Variants in HCRTR2 observed in about 807,000 individuals in gnomAD.
HCRTR2 encodes the protein hypocretin receptor 2.
A neutral mutation model predicts 49.0 loss-of-function variants in HCRTR2; 22 were observed. The ratio of observed to expected loss-of-function variants is 0.45; its 90% CI spans 0.32 to 0.64. The LOEUF (loss-of-function observed/expected upper bound fraction) is 0.64. Ranked by LOEUF, HCRTR2 falls within the 30% of genes least tolerant of loss-of-function variation. The pLI, the probability that HCRTR2 is intolerant of heterozygous loss-of-function variation, is 0.04. For missense variants in HCRTR2, 491 were observed against 559.4 expected (o/e 0.88, Z 1.23); for synonymous variants, 236 against 205.3 (o/e 1.15, Z -1.28).
chr6:55,161,936 C>G (rs986300885), intron 1 of HCRTR2, among the ~76,000 whole-genome samples: 1 of 152,140 alleles, frequency 6.6e-6, no homozygotes, highest in Non-Finnish European at 1.5e-5. Context: ...CCTTCTGAAA[C>G]TATTCCAAAC....
At chr6:55,154,926 T>C (rs1764711009) in intron 1 of HCRTR2, among the ~76,000 whole-genome samples, 1 of 151,784 alleles carries the variant, frequency 6.6e-6, no homozygotes, top group African/African-American at 2.4e-5. Flanking sequence ...TGTAATTCTA[T>C]ATAATAGCAA....
At chr6:55,184,344 T>C (rs776444524) in intron 1 of HCRTR2, among the ~76,000 whole-genome samples, 1 of 152,240 alleles carries the variant, frequency 6.6e-6, no homozygotes, top group Non-Finnish European at 1.5e-5. Flanking sequence ...TTTACTAAAA[T>C]CATTTTTATG....
chr6:55,168,705 A>G (rs1764909528), intron 1 of HCRTR2, among the ~76,000 whole-genome samples: 1 of 151,812 alleles, frequency 6.6e-6, no homozygotes, highest in African/African-American at 2.4e-5. Context: ...AGCTAGGACC[A>G]CAGACACATG....
chr6:55,163,749 A>G (rs925245031), intron 1 of HCRTR2, among the ~76,000 whole-genome samples: 2 of 152,216 alleles, frequency 1.3e-5, no homozygotes, highest in African/African-American at 4.8e-5. Flanking sequence ...ATCAAAAGCA[A>G]TGGCAAGAAA....
rs1019053039 is a variant in HCRTR2 at position 55,132,702 on chromosome 6, G to A, written c.-378+26157G>A. ...TTAGGGAGCAAAGGAATGGGACAGT[G>A]GAGCCCTACTCAGACCAACTCCATT... On this transcript the variant is annotated intron_variant, in intron 1 of 7. Coordinates refer to the HCRTR2 transcript ENST00000615358. Among the ~76,000 whole-genome samples, 3 of 150,998 alleles carry A rather than the reference G, an allele frequency of 2.0e-5. No individual in the cohort carries two copies. In the South Asian group the frequency reaches 6.2e-4, roughly 31 times the overall value.
chr6:55,223,744 C>T (rs745488382), intron 1 of HCRTR2, among the ~76,000 whole-genome samples: 7 of 151,634 alleles, frequency 4.6e-5, no homozygotes, highest in Non-Finnish European at 1.0e-4. Context: ...AAAAATCTGG[C>T]TATGATGCAG....
chr6:55,256,561 T>A (rs1038732424), intron 3 of HCRTR2, among the ~76,000 whole-genome samples: 3 of 152,196 alleles, frequency 2.0e-5, no homozygotes, highest in African/African-American at 7.2e-5. Flanking sequence ...ATTTGCTTTA[T>A]CTATTACCCC....
At chr6:55,267,394 C>G (rs886345914) in intron 4 of HCRTR2, among the ~76,000 whole-genome samples, 13 of 143,032 alleles carry the variant, frequency 9.1e-5, no homozygotes, top group South Asian at 6.5e-4. Flanking sequence ...CTTAAATTCT[C>G]TCTCTCTCTG....
At chr6:55,236,825 C>A (rs1389279758) in intron 1 of HCRTR2, among the ~76,000 whole-genome samples, 1 of 152,030 alleles carries the variant, frequency 6.6e-6, no homozygotes, top group Non-Finnish European at 1.5e-5. Context: ...CTTATATCTA[C>A]AAATATATAC....
intron 4 of HCRTR2, among the ~76,000 whole-genome samples, chr6:55,271,164 C>G (rs1766965637): frequency 6.6e-6 from 1 of 152,086 alleles, no homozygotes; most frequent in Non-Finnish European, 1.5e-5. Flanking sequence ...GCCACAGTAA[C>G]TAAGACGGTG....
At chr6:55,127,129 T>A (rs13205002) in intron 1 of HCRTR2, among the ~76,000 whole-genome samples, 4,769 of 151,876 alleles carry the variant, frequency 0.031, 205 homozygotes, top group African/African-American at 0.088. Context: ...GAAAAAAAAA[T>A]TTCTGCAGCT....
upstream of HCRTR2, among the ~76,000 whole-genome samples, chr6:55,170,314 A>T (rs1184842851): frequency 6.7e-6 from 1 of 149,052 alleles, no homozygotes; most frequent in Non-Finnish European, 1.5e-5. Context: ...ATTTATACAT[A>T]GTATTTATAT....
At chr6:55,257,334 T>C (rs777444961) in intron 3 of HCRTR2, among the ~76,000 whole-genome samples, 1 of 152,102 alleles carries the variant, frequency 6.6e-6, no homozygotes, top group Admixed American at 6.6e-5. Context: ...TTTTTCAAGA[T>C]TATGAAGCAA....
chr6:55,162,721 G>C (rs1464049302), intron 1 of HCRTR2, among the ~76,000 whole-genome samples: 1 of 152,162 alleles, frequency 6.6e-6, no homozygotes, highest in Admixed American at 6.5e-5. Flanking sequence ...CAAATCATGA[G>C]TGAACTCCCA....
chr6:55,267,469 A>C (rs1010849330), intron 4 of HCRTR2, among the ~76,000 whole-genome samples: 1 of 150,274 alleles, frequency 6.7e-6, no homozygotes, highest in African/African-American at 2.5e-5. Flanking sequence ...TTATTTGCTA[A>C]AACTTATTTT....
chr6:55,243,722 G>C (rs1294485237), intron 1 of HCRTR2, among the ~76,000 whole-genome samples: 4 of 152,046 alleles, frequency 2.6e-5, no homozygotes, highest in African/African-American at 9.7e-5. Flanking sequence ...AGCAAAGTAA[G>C]GGAAAGAGAA....
chr6:55,222,222 A>G (rs1765911520), intron 1 of HCRTR2, among the ~76,000 whole-genome samples: 1 of 152,074 alleles, frequency 6.6e-6, no homozygotes, highest in South Asian at 2.1e-4. Flanking sequence ...ATCATTAGTA[A>G]TTAGGGAAAT....
chr6:55,243,005 AT>A (rs1434008545), intron 1 of HCRTR2, among the ~76,000 whole-genome samples: 1 of 152,168 alleles, frequency 6.6e-6, no homozygotes, highest in Non-Finnish European at 1.5e-5. Context: ...ATGGCTGCAG[AT>A]GTTTTCATGC....
At chr6:55,127,395 C>T (rs776550786) in intron 1 of HCRTR2, among the ~76,000 whole-genome samples, 10 of 152,056 alleles carry the variant, frequency 6.6e-5, no homozygotes, top group Non-Finnish European at 1.5e-4. Flanking sequence ...CCCTCCAAAG[C>T]ATTCACTGTC....
Sources: allele counts gnomAD v4.1 joint callset (sites outside exome capture counted in the v4.1 genomes callset), GRCh38; gene constraint gnomAD v4.1.1; transcripts MANE v1.5; gene names NCBI Gene and HGNC (gene_info 2026-07-23, HGNC 2026-07-21).